ATG4C: variants seen among roughly 807,000 people sequenced by gnomAD.
ATG4C encodes autophagy related 4C cysteine peptidase.
A neutral mutation model predicts 57.6 loss-of-function variants in ATG4C; 56 were observed. That is an observed-to-expected ratio of 0.97 (90% CI 0.78 to 1.21). ATG4C has a LOEUF of 1.21. Ranked by LOEUF, ATG4C falls within the 50% of genes most tolerant of loss-of-function variation. The pLI is 0.00. For missense variants in ATG4C, 595 were observed against 529.8 expected (o/e 1.12, Z -1.21); for synonymous variants, 157 against 174.1 (o/e 0.90, Z 0.78).
At chr1:62,807,146 C>T (rs1664908017) in intron 3 of ATG4C, among the ~76,000 whole-genome samples, 1 of 152,130 alleles carries the variant, frequency 6.6e-6, no homozygotes, top group Non-Finnish European at 1.5e-5. Context: ...TGAATATATG[C>T]TTGTGAAATC....
At chr1:62,830,801 G>A (rs1665816338) in intron 7 of ATG4C, among the ~76,000 whole-genome samples, 1 of 152,078 alleles carries the variant, frequency 6.6e-6, no homozygotes, top group Non-Finnish European at 1.5e-5. Context: ...AATGAACTAT[G>A]GTTAAGCTGT....
intron 9 of ATG4C, among the ~76,000 whole-genome samples, chr1:62,838,018 C>G (rs867210837): frequency 1.3e-5 from 2 of 152,146 alleles, no homozygotes; most frequent in African/African-American, 2.4e-5. Context: ...GAAGCTTCAT[C>G]TGAATCACCA....
At chr1:62,804,132 G>A (rs137967251) in intron 2 of ATG4C, among the ~76,000 whole-genome samples, 1 of 150,942 alleles carries the variant, frequency 6.6e-6, no homozygotes, top group East Asian at 1.9e-4. Flanking sequence ...TGTCACACAG[G>A]CTGGAGTGTA....
At chr1:62,824,679 T>TG (rs1665590074) in intron 6 of ATG4C, among the ~76,000 whole-genome samples, 1 of 151,232 alleles carries the variant, frequency 6.6e-6, no homozygotes, top group African/African-American at 2.4e-5. Context: ...CTTTTTTTTT[T>TG]TTTTTTGAGA....
chr1:62,841,308 C>T lies in ATG4C; in HGVS notation c.1090-120C>T, dbSNP rs561239231. On this transcript the variant is annotated intron_variant, in intron 9 of 10. Transcript: ENST00000317868. The stretch of plus-strand genomic sequence containing the variant: ...CATCTGCGTAGGATGAACTAAAACA[C>T]CATTTGAAAATCATGTTTATAGTGA... The T allele has an allele frequency of 6.2e-5, 54 of 868,964 alleles. 1 individual carries two copies. Among genetic ancestry groups the T allele is most frequent in the South Asian group, 8.4e-5 (4 of 47,426 alleles). 53.8% of individuals were successfully genotyped at this position (868,964 alleles called of 1,614,324 possible). A position where few individuals can be genotyped will look rare whatever the true frequency, so the allele number is the denominator to read the frequency against.
intron 10 of ATG4C, among the ~76,000 whole-genome samples, chr1:62,856,805 ACAT>A (rs1398594820): frequency 2.0e-5 from 3 of 152,280 alleles, no homozygotes; most frequent in South Asian, 4.1e-4. Context: ...GATGATAGAA[ACAT>A]CCTGAGCAGA....
chr1:62,800,371 A>T (rs148849197), intron 1 of ATG4C, among the ~76,000 whole-genome samples: 1 of 152,340 alleles, frequency 6.6e-6, no homozygotes, highest in East Asian at 1.9e-4. Context: ...AAATAACCAC[A>T]GAGAAACTAC....
In ATG4C at chr1:62,805,178, T is replaced by A. The variant is rs767361099; in HGVS notation, c.83T>A (p.Val28Glu). 1.3e-6 allele frequency: 2 copies of A among 1,511,820 alleles called. No individual in the cohort carries two copies. The highest frequency in any genetic ancestry group is 2.7e-5 in the South Asian group (2 of 73,458). The allele number at this position is 1,511,820 out of a possible 1,614,324, so 93.7% of individuals were successfully genotyped here. A position where few individuals can be genotyped will look rare whatever the true frequency, so the allele number is the denominator to read the frequency against. The change falls in exon 3 of 11, where the codon GTG (valine) becomes GAG (glutamate). Residue 28 changes from valine to glutamate, a missense_variant. Transcript: ENST00000317868. The part of the protein sequence containing the change: ...SAWNNMKYSW[V>E]LKTKTYFSRN... Reference sequence around the variant, plus strand: ...TTTTTTTTTTTTTTGCTAGGTTGGGTGTTGAAAACAAAGACGTATTTTAGT... The same window carrying A: ...TTTTTTTTTTTTTTGCTAGGTTGGGAGTTGAAAACAAAGACGTATTTTAGT...
At chr1:62,811,048 G>A (rs896508781) in intron 3 of ATG4C, among the ~76,000 whole-genome samples, 1 of 152,070 alleles carries the variant, frequency 6.6e-6, no homozygotes, top group Non-Finnish European at 1.5e-5. Context: ...TTTATCTGAT[G>A]GAGAGTTTCG....
intron 4 of ATG4C, among the ~76,000 whole-genome samples, chr1:62,818,558 T>G (rs17123867): frequency 0.031 from 4,692 of 152,210 alleles, 252 homozygotes; most frequent in African/African-American, 0.11. Flanking sequence ...TTTTCTTGAT[T>G]ATATGAAATT....
intron 7 of ATG4C, among the ~76,000 whole-genome samples, chr1:62,832,623 G>C (rs1424696459): frequency 2.0e-5 from 3 of 152,064 alleles, no homozygotes; most frequent in Non-Finnish European, 4.4e-5. Context: ...TGCAAGCTCT[G>C]CCCTCATGAC....
intron 10 of ATG4C, among the ~76,000 whole-genome samples, chr1:62,860,269 G>A (rs998515973): frequency 7.9e-5 from 12 of 152,040 alleles, no homozygotes; most frequent in Non-Finnish European, 1.6e-4. Flanking sequence ...ACCTGCCTGA[G>A]GCTGTTCTAC....
chr1:62,829,913 C>G (rs1665786850), intron 7 of ATG4C, among the ~76,000 whole-genome samples: 1 of 152,142 alleles, frequency 6.6e-6, no homozygotes, highest in East Asian at 1.9e-4. Flanking sequence ...TGGAATTCTT[C>G]TTTAAATGGA....
At chr1:62,817,317 A>C (rs1337104623) in intron 4 of ATG4C, among the ~76,000 whole-genome samples, 1 of 152,154 alleles carries the variant, frequency 6.6e-6, no homozygotes, top group South Asian at 2.1e-4. Flanking sequence ...ATACTCAATT[A>C]TATTAAATCA....
In ATG4C at chr1:62,841,547, G is replaced by A. The variant is rs1266661231; in HGVS notation, c.1209G>A (p.Lys403=). The change falls in exon 10 of 11, where the codon AAG becomes AAA. Residue 403 remains lysine (K), a splice_region_variant and synonymous_variant. Coordinates refer to ENST00000317868, the MANE Select transcript of ATG4C (RefSeq NM_032852.4). ...DFKRASEEIT[K]MLKFSSKEKY... ...AACGAGCTTCTGAAGAAATCACCAAGGTATCTTTATTTAAAATATTATATT... is the reference window on the plus strand; with the variant it reads ...AACGAGCTTCTGAAGAAATCACCAAAGTATCTTTATTTAAAATATTATATT... The A allele has an allele frequency of 4.5e-6, 7 of 1,567,532 alleles. No individual in the cohort carries two copies. The highest frequency in any genetic ancestry group is 1.2e-5 in the South Asian group (1 of 80,094).
chr1:62,847,410 G>A (rs752710123), intron 10 of ATG4C, among the ~76,000 whole-genome samples: 12 of 152,072 alleles, frequency 7.9e-5, no homozygotes, highest in African/African-American at 2.9e-4. Context: ...AAACACACAA[G>A]TGTATAACAA....
At position 62,825,234 on chromosome 1, in the gene ATG4C, TAA is replaced by T. The variant is rs71045856; in HGVS notation, c.797-3787_797-3786del. On this transcript the variant is annotated intron_variant, in intron 6 of 10. Coordinates refer to ENST00000317868, the MANE Select transcript of ATG4C (RefSeq NM_032852.4). ...CTGGGTGACAGAGGGAGACTCCGTC[TAA>T]AAAAAAAAAAAAAAAAAAGCATGAG... is the stretch of plus-strand genomic sequence containing the variant. Among the ~76,000 whole-genome samples, 534 of 126,986 alleles carry T rather than the reference TAA, an allele frequency of 4.2e-3. 4 individuals are homozygous for T. Among genetic ancestry groups the T allele is most frequent in the African/African-American group, 0.014 (461 of 33,134 alleles). The allele number at this position is 126,986 out of a possible 152,430, so 83.3% of individuals were successfully genotyped here. A position where few individuals can be genotyped will look rare whatever the true frequency, so the allele number is the denominator to read the frequency against.
chr1:62,857,240 A>G (rs1020900407), intron 10 of ATG4C, among the ~76,000 whole-genome samples: 3 of 152,072 alleles, frequency 2.0e-5, no homozygotes, highest in Middle Eastern at 3.2e-3. Context: ...ATTCCCCATC[A>G]CTACTCGCAT....
chr1:62,829,302 G>T, intron 7 of ATG4C, 126 bp downstream of exon 7: 4 of 1,101,038 alleles, frequency 3.6e-6, no homozygotes, highest in Non-Finnish European at 5.2e-6. Flanking sequence ...ACGTTGTAAA[G>T]TTTGACATTA....
Sources: gnomAD v4.1 joint callset for allele counts (sites outside exome capture counted in the v4.1 genomes callset) on GRCh38, gnomAD v4.1.1 for gene constraint, MANE v1.5 for transcripts, NCBI Gene and HGNC (gene_info 2026-07-23, HGNC 2026-07-21) for gene names.